The following COL4A2 variants were observed in gnomAD, a reference collection of about 807,000 sequenced individuals.
COL4A2 encodes collagen alpha-2(IV) chain.
A neutral mutation model predicts 200.2 loss-of-function variants in COL4A2; 99 were observed. That is an observed-to-expected ratio of 0.49 (90% CI 0.42 to 0.58). The LOEUF is 0.58. Ranked by LOEUF, COL4A2 falls within the 20% of genes least tolerant of loss-of-function variation. COL4A2 has a pLI of 0.00. For synonymous variants in COL4A2, 897 were observed against 900.6 expected, an observed-to-expected ratio of 1.00 and a Z score of 0.07; for missense variants, 1,950 against 2,314.1, an observed-to-expected ratio of 0.84 and a Z score of 3.23.
intron 29 of COL4A2, 70 bp from the exon 30 acceptor site, chr13:110,477,933 G>A (rs1882757141): frequency 1.5e-6 from 2 of 1,331,610 alleles, no homozygotes; most frequent in Non-Finnish European, 2.0e-6. Flanking sequence ...ATGAGTGTGT[G>A]GAGGGAGATG....
At chr13:110,465,942 G>T in intron 25 of COL4A2, 61 bp from the exon 26 acceptor site, 1 of 1,584,614 alleles carries the variant, frequency 6.3e-7, no homozygotes, top group South Asian at 1.1e-5. Context: ...CGCCCCAGAC[G>T]AGCCAGTAAC....
At chr13:110,491,152 G>A in intron 36 of COL4A2, 81 bp from the exon 37 acceptor site, 2 of 922,744 alleles carry the variant, frequency 2.2e-6, no homozygotes, top group Non-Finnish European at 3.5e-6. Flanking sequence ...GTGTGGTTCT[G>A]CACATCCTAG....
At chr13:110,381,017 C>T (rs1878463354) in intron 4 of COL4A2, among the ~76,000 whole-genome samples, 1 of 150,240 alleles carries the variant, frequency 6.7e-6, no homozygotes, top group Admixed American at 6.6e-5. Flanking sequence ...GGCTCTATCT[C>T]ACACCCACGG....
intron 16 of COL4A2, among the ~76,000 whole-genome samples, chr13:110,440,467 G>T (rs1237470909): frequency 6.6e-6 from 1 of 151,972 alleles, no homozygotes; most frequent in African/African-American, 2.4e-5. Flanking sequence ...CATGGTGTGG[G>T]TACCTGTAAT....
At chr13:110,438,452 C>T (rs528586842) in intron 14 of COL4A2, 166 bp from the exon 15 acceptor site, 2 of 923,098 alleles carry the variant, frequency 2.2e-6, no homozygotes, top group Non-Finnish European at 1.8e-6. Flanking sequence ...TGGCGGGTCT[C>T]CTAGGACCGT....
chr13:110,433,219 C>T (rs1180355043), intron 11 of COL4A2, among the ~76,000 whole-genome samples: 2 of 152,198 alleles, frequency 1.3e-5, no homozygotes, highest in African/African-American at 2.4e-5. Context: ...GGAGGGCTTG[C>T]GCTGGACGCC....
At chr13:110,375,772 G>A (rs1878210783) in intron 4 of COL4A2, among the ~76,000 whole-genome samples, 1 of 152,054 alleles carries the variant, frequency 6.6e-6, no homozygotes, top group Admixed American at 6.5e-5. Context: ...GGAGGCTGCA[G>A]TGAGCCAAGA....
chr13:110,442,864 CAG>C (rs1187839587), intron 16 of COL4A2, among the ~76,000 whole-genome samples: 1 of 152,190 alleles, frequency 6.6e-6, no homozygotes, highest in African/African-American at 2.4e-5. Context: ...AATAACTCCA[CAG>C]AGTTATTTTA....
In COL4A2 at chr13:110,439,742, C is replaced by G. The variant is rs2139468684; in HGVS notation, c.913-47C>G. On this transcript the variant is annotated intron_variant, in intron 15 of 47. Transcript: ENST00000360467. ...CCGTAGTCAAGCCCTCTGGAAATGT[C>G]TACTGCATATTCTGAGCTGTTTGCT... is the stretch of plus-strand genomic sequence containing the variant. The G allele has an allele frequency of 1.9e-6, 3 of 1,613,362 alleles. No homozygotes were observed. In the East Asian group the frequency reaches 6.7e-5, roughly 36 times the overall value.
At chr13:110,361,208 C>A (rs995516765) in intron 4 of COL4A2, among the ~76,000 whole-genome samples, 2 of 152,226 alleles carry the variant, frequency 1.3e-5, no homozygotes, top group African/African-American at 4.8e-5. Context: ...AAATCCGGTG[C>A]ATGTGGCTTA....
intron 4 of COL4A2, among the ~76,000 whole-genome samples, chr13:110,394,982 A>T (rs1482495193): frequency 6.6e-6 from 1 of 152,144 alleles, no homozygotes; most frequent in Non-Finnish European, 1.5e-5. Context: ...TGCTGGAGAC[A>T]CATGGAAAGA....
At chr13:110,409,103 T>C (rs1594197802) in intron 4 of COL4A2, among the ~76,000 whole-genome samples, 1 of 87,608 alleles carries the variant, frequency 1.1e-5, no homozygotes, top group Non-Finnish European at 2.3e-5. Context: ...CACGGACACA[T>C]ACACATAACA....
At position 110,430,603 on chromosome 13, in the gene COL4A2, G is replaced by A; in HGVS notation, c.644G>A (p.Arg215Lys). The A allele has an allele frequency of 6.2e-7, 1 of 1,614,194 alleles. No individual in the cohort carries two copies. The highest frequency in any genetic ancestry group is 8.5e-7 in the Non-Finnish European group (1 of 1,180,016). The change falls in exon 10 of 48, where the codon AGA becomes AAA. Residue 215 changes from arginine (R) to lysine (K), a missense_variant. Around this residue, in one of 2 missense-constraint regions of COL4A2, gnomAD observed 565 missense variants for 593.5 expected, o/e 0.95. Coordinates refer to ENST00000360467, the MANE Select transcript of COL4A2 (RefSeq NM_001846.4). ...ATGGGTCCAGTTGGAGCTCCAGGGA[G>A]ACCAGTAAGTACCTGGACACAGGTG... ...GQMGPVGAPGRPGPPGPPGPK... is the reference protein window; with the variant it reads ...GQMGPVGAPGKPGPPGPPGPK...
intron 3 of COL4A2, among the ~76,000 whole-genome samples, chr13:110,342,426 C>A (rs1876499360): frequency 6.6e-6 from 1 of 152,130 alleles, no homozygotes; most frequent in Non-Finnish European, 1.5e-5. Flanking sequence ...AGTGTTGACA[C>A]CTGCTGTTCC....
At chr13:110,329,996 T>A (rs1162809258) in intron 3 of COL4A2, among the ~76,000 whole-genome samples, 1 of 152,200 alleles carries the variant, frequency 6.6e-6, no homozygotes, top group Admixed American at 6.5e-5. Context: ...CAAGTATATG[T>A]CTTTAAGTTG....
intron 3 of COL4A2, among the ~76,000 whole-genome samples, chr13:110,350,682 A>G (rs1027936994): frequency 1.8e-4 from 27 of 152,276 alleles, no homozygotes; most frequent in African/African-American, 6.0e-4. Flanking sequence ...CCGACCACCT[A>G]GTGTAGGGCT....
intron 3 of COL4A2, among the ~76,000 whole-genome samples, chr13:110,336,092 T>C (rs934330370): frequency 1.3e-5 from 2 of 152,256 alleles, no homozygotes; most frequent in Non-Finnish European, 2.9e-5. Flanking sequence ...TCTATGTATC[T>C]TCTTGGAGTT....
Position 110,485,711 on chromosome 13 carries a change from A to T in COL4A2, c.3082A>T (p.Arg1028Trp). 4 of 1,613,344 alleles carry T rather than the reference A, an allele frequency of 2.5e-6. No homozygotes were observed. The highest frequency in any genetic ancestry group is 3.4e-6 in the Non-Finnish European group (4 of 1,179,660). Residue 1028 changes from arginine (R) to tryptophan (W), a missense_variant, in exon 34 of 48, where the codon AGG becomes TGG. Physicochemically the swap from Arg to Trp is moderately radical, Grantham distance 101. Around this residue, in one of 2 missense-constraint regions of COL4A2, gnomAD observed 1,385 missense variants for 1,720.5 expected, o/e 0.80. Coordinates refer to ENST00000360467, the MANE Select transcript of COL4A2 (RefSeq NM_001846.4). Reference protein sequence around the residue: ...GLSGIPGLPGRPGHIKGVKGD... With the variant: ...GLSGIPGLPGWPGHIKGVKGD... ...GTCAGGAATCCCTGGGCTGCCTGGG[A>T]GGCCCGGCCACATCAAAGGAGTCAA...
At chr13:110,457,814 A>G in intron 21 of COL4A2, 1 of 475,552 alleles carries the variant, frequency 2.1e-6, no homozygotes, top group Non-Finnish European at 4.3e-6. Flanking sequence ...GTCTGTAGAG[A>G]GCTCTGTCCA....
Sources: allele counts gnomAD v4.1 joint callset (sites outside exome capture counted in the v4.1 genomes callset), GRCh38; gene constraint gnomAD v4.1.1; regional missense constraint gnomAD v4.1.1; transcripts MANE v1.5; gene names NCBI Gene and HGNC (gene_info 2026-07-23, HGNC 2026-07-21).